Variants in KIF21A observed in about 807,000 individuals in gnomAD.
KIF21A encodes kinesin family member 21A.
Under a neutral mutation model 202.9 loss-of-function variants are expected in KIF21A, and 114 were observed. The ratio of observed to expected loss-of-function variants is 0.56; its 90% CI spans 0.48 to 0.66. The LOEUF (loss-of-function observed/expected upper bound fraction) is 0.66, where lower values mean the gene tolerates loss of function less well. Ranked by LOEUF, KIF21A falls within the 30% of genes least tolerant of loss-of-function variation. KIF21A has a pLI of 0.00. For synonymous variants in KIF21A, 667 were observed against 670.8 expected (o/e 0.99, Z 0.09); for missense variants, 1,677 against 1,994.9 (o/e 0.84, Z 3.04).
Position 39,357,403 on chromosome 12 carries a change from C to G in KIF21A, c.1250G>C (p.Ser417Thr). 1 of 1,614,066 alleles carries G rather than the reference C, an allele frequency of 6.2e-7. No individual in the cohort carries two copies. The highest frequency in any genetic ancestry group is 8.5e-7 in the Non-Finnish European group (1 of 1,179,950). ...KRIIDEEGVESINDMFHENAM... is the reference protein window; with the variant it reads ...KRIIDEEGVETINDMFHENAM... ...ATTCTCATGAAACATGTCATTGATGCTTTCCACACCCTCTTCGTCAATTAT... is the reference window on the plus strand; with the variant it reads ...ATTCTCATGAAACATGTCATTGATGGTTTCCACACCCTCTTCGTCAATTAT... The change falls in exon 9 of 38, where the codon AGC becomes ACC. Residue 417 changes from serine (S) to threonine (T), a missense_variant. Physicochemically the swap from Ser to Thr is moderately conservative, Grantham distance 58. Around this residue, in one of 3 missense-constraint regions of KIF21A, gnomAD observed 966 missense variants for 1,180.9 expected, o/e 0.82. Transcript: ENST00000361418.
At chr12:39,437,046 T>G (rs1938902585) in intron 1 of KIF21A, among the ~76,000 whole-genome samples, 1 of 152,220 alleles carries the variant, frequency 6.6e-6, no homozygotes, top group African/African-American at 2.4e-5. Flanking sequence ...AGTCCGAGAC[T>G]CATCTTTGAG....
At chr12:39,363,388 T>G (rs1452589093) in intron 6 of KIF21A, among the ~76,000 whole-genome samples, 175 bp from the exon 7 acceptor site, 1 of 152,048 alleles carries the variant, frequency 6.6e-6, no homozygotes, top group Non-Finnish European at 1.5e-5. Flanking sequence ...TACATATATA[T>G]TAGTACTATA....
intron 1 of KIF21A, among the ~76,000 whole-genome samples, chr12:39,433,155 A>T (rs193097117): frequency 5.9e-5 from 9 of 152,306 alleles, no homozygotes; most frequent in Non-Finnish European, 1.3e-4. Flanking sequence ...AAAAAACTGA[A>T]TAAAAATAAC....
intron 10 of KIF21A, 103 bp downstream of exon 10, chr12:39,356,729 C>A: frequency 1.5e-6 from 1 of 645,776 alleles, no homozygotes; most frequent in Non-Finnish European, 2.8e-6. Flanking sequence ...GAAATATCAC[C>A]ATGGACAACT....
intron 10 of KIF21A, chr12:39,356,487 CT>C: frequency 1.7e-5 from 3 of 176,394 alleles, no homozygotes; most frequent in South Asian, 1.6e-4. Flanking sequence ...AGATATTGAT[CT>C]ATTCCCAACT....
At chr12:39,398,533 C>A (rs1156559825) in intron 1 of KIF21A, among the ~76,000 whole-genome samples, 1 of 151,822 alleles carries the variant, frequency 6.6e-6, no homozygotes, top group Admixed American at 6.6e-5. Context: ...GCTAGGAGAT[C>A]AAAAAGGAGA....
chr12:39,378,454 G>A (rs562466889), intron 1 of KIF21A, among the ~76,000 whole-genome samples: 38 of 152,256 alleles, frequency 2.5e-4, no homozygotes, highest in Non-Finnish European at 4.9e-4. Context: ...AATTCTTCTG[G>A]AAACTCCAGA....
intron 27 of KIF21A, among the ~76,000 whole-genome samples, chr12:39,320,342 G>A (rs941884016): frequency 6.6e-6 from 1 of 151,982 alleles, no homozygotes; most frequent in Non-Finnish European, 1.5e-5. Context: ...TATTTCAGAT[G>A]AAGAAAAATT....
chr12:39,307,530 A>G (rs1255024869), intron 34 of KIF21A, 35 bp downstream of exon 34: 2 of 1,598,668 alleles, frequency 1.3e-6, no homozygotes, highest in East Asian at 2.2e-5. Context: ...TGTATTTGCC[A>G]TAGGCAAGAG....
At chr12:39,390,269 G>T (rs1451819996) in intron 1 of KIF21A, among the ~76,000 whole-genome samples, 1 of 152,132 alleles carries the variant, frequency 6.6e-6, no homozygotes, top group Admixed American at 6.5e-5. Flanking sequence ...CAAAGTATGA[G>T]TATTCAGATC....
chr12:39,298,285 G>A (rs886413315), intron 37 of KIF21A, among the ~76,000 whole-genome samples: 3 of 152,136 alleles, frequency 2.0e-5, no homozygotes, highest in Non-Finnish European at 4.4e-5. Flanking sequence ...TAGAGAAGAG[G>A]AGAGATCTAT....
intron 1 of KIF21A, among the ~76,000 whole-genome samples, chr12:39,378,362 C>T (rs1950395012): frequency 6.6e-6 from 1 of 152,132 alleles, no homozygotes; most frequent in Non-Finnish European, 1.5e-5. Context: ...TGAAATAATG[C>T]ACATGGGCTG....
intron 7 of KIF21A, among the ~76,000 whole-genome samples, chr12:39,361,530 T>A (rs958480653): frequency 6.7e-6 from 1 of 149,388 alleles, no homozygotes; most frequent in African/African-American, 2.5e-5. Context: ...TTCTTTTTTT[T>A]TTTTTTTTTG....
intron 10 of KIF21A, among the ~76,000 whole-genome samples, chr12:39,352,224 C>G (rs1190132008): frequency 6.6e-6 from 1 of 152,076 alleles, no homozygotes; most frequent in Non-Finnish European, 1.5e-5. Context: ...TGGCATCCAT[C>G]ATTCTACTTT....
chr12:39,296,025 TAA>T (rs34017775), intron 37 of KIF21A, among the ~76,000 whole-genome samples: 19 of 86,772 alleles, frequency 2.2e-4, no homozygotes, highest in African/African-American at 4.5e-4. Flanking sequence ...GTTTGTTTGT[TAA>T]AAAAAAAAAA....
At chr12:39,323,008 A>AGAGATTTATATGAGTTTG in intron 26 of KIF21A, 126 bp from the exon 27 acceptor site, 52 of 690,688 alleles carry the variant, frequency 7.5e-5, no homozygotes, top group Non-Finnish European at 1.1e-4. Flanking sequence ...TAGGTGTGCC[A>AGAGATTTATATGAGTTTG]AACATAGCAT....
chr12:39,418,101 A>C (rs959031744), intron 1 of KIF21A, among the ~76,000 whole-genome samples: 9 of 151,652 alleles, frequency 5.9e-5, no homozygotes, highest in African/African-American at 2.2e-4. Flanking sequence ...TCAGCTACTC[A>C]TGGCGCTAAG....
chr12:39,425,880 AC>A (rs1402818782), intron 1 of KIF21A, among the ~76,000 whole-genome samples: 3 of 151,614 alleles, frequency 2.0e-5, no homozygotes, highest in African/African-American at 7.3e-5. Flanking sequence ...CTTCCTTATA[AC>A]AAGAGCTAGC....
intron 31 of KIF21A, among the ~76,000 whole-genome samples, chr12:39,313,917 T>TATATTACA (rs1378384497): frequency 6.6e-6 from 1 of 151,788 alleles, no homozygotes; most frequent in East Asian, 1.9e-4. Flanking sequence ...ATCTGTAGAC[T>TATATTACA]ATATTACATA....
Sources: gnomAD v4.1 joint callset for allele counts (sites outside exome capture counted in the v4.1 genomes callset) on GRCh38, gnomAD v4.1.1 for gene constraint, gnomAD v4.1.1 regional missense constraint, MANE v1.5 for transcripts, NCBI Gene and HGNC (gene_info 2026-07-23, HGNC 2026-07-21) for gene names.